Variants in OXNAD1 observed in about 807,000 individuals in gnomAD.
OXNAD1 encodes the protein oxidoreductase NAD binding domain containing 1.
A neutral mutation model predicts 32.9 loss-of-function variants in OXNAD1; 34 were observed. That is an observed-to-expected ratio of 1.03 (90% CI 0.79 to 1.38). The LOEUF (loss-of-function observed/expected upper bound fraction) is 1.38. Among genes scored for constraint, OXNAD1 ranks in the 40% most tolerant of loss-of-function variants. The probability of loss-of-function intolerance (pLI) is 0.00; values close to 1 mark genes in which losing one functional copy is unlikely to be tolerated. For missense variants in OXNAD1, 407 were observed against 379.4 expected (o/e 1.07, Z -0.60); for synonymous variants, 134 against 135.2 (o/e 0.99, Z 0.06).
rs937503623 is a variant in OXNAD1 at position 16,298,863 on chromosome 3, T to C, written c.433-2763T>C. ...TGTAATTGAAGGTAATGTCCTTTTA[T>C]TCACTTACATATTACAGTGTACAGT... is the stretch of plus-strand genomic sequence containing the variant. On this transcript the variant is annotated intron_variant, in intron 6 of 8. Coordinates refer to ENST00000285083, the MANE Select transcript of OXNAD1 (RefSeq NM_138381.5). The surrounding 1 kb of genome is among the most constrained non-coding windows in gnomAD (Gnocchi z 5.1). Among the ~76,000 whole-genome samples, 3 of 152,224 alleles carry C rather than the reference T, an allele frequency of 2.0e-5. No homozygotes were observed. The highest frequency in any genetic ancestry group is 2.0e-4 in the Admixed American group (3 of 15,276).
downstream of OXNAD1, among the ~76,000 whole-genome samples, chr3:16,350,813 G>T (rs1174172436): frequency 2.0e-5 from 3 of 152,184 alleles, no homozygotes; most frequent in Admixed American, 1.3e-4. Flanking sequence ...TGGCACTAAA[G>T]ACTATGATCT....
downstream of OXNAD1, among the ~76,000 whole-genome samples, chr3:16,341,009 TACCTC>T (rs1002199092): frequency 3.9e-5 from 6 of 152,130 alleles, no homozygotes; most frequent in African/African-American, 1.4e-4. This position sits in a 1 kb window ranked among gnomAD's most constrained non-coding sequence, Gnocchi z 4.7. Flanking sequence ...TCTAAACAAA[TACCTC>T]ACCAAAGAAG....
Position 16,286,449 on chromosome 3 carries a change from G to C in OXNAD1, c.290+1G>C. ...ACTTTTCCTTTAAAGCTGGCCAGTG[G>C]TAAGTGACTTTTCTGTGTTCCATGT... On this transcript the variant is annotated splice_donor_variant, in intron 5 of 8. Transcript: ENST00000285083. LOFTEE classifies it high-confidence loss of function. 2 of 1,612,736 alleles carry C rather than the reference G, an allele frequency of 1.2e-6. No homozygotes were observed. Among genetic ancestry groups the C allele is most frequent in the Non-Finnish European group, 1.7e-6 (2 of 1,178,842 alleles).
In OXNAD1 at chr3:16,271,092, T is replaced by C. The variant is rs1334659800; in HGVS notation, c.119+21T>C. ...ACCAGGTGAGTCATTAAGACTTCTG[T>C]GTCATTTGAAGTTAATTTTCAAAGA... is the stretch of plus-strand genomic sequence containing the variant. On this transcript the variant is annotated intron_variant, in intron 3 of 8. Transcript: ENST00000285083. The surrounding 1 kb of genome is among the most constrained non-coding windows in gnomAD (Gnocchi z 4.6). 6.2e-7 allele frequency: 1 copy of C among 1,611,278 alleles called. No individual in the cohort carries two copies. The highest frequency in any genetic ancestry group is 8.5e-7 in the Non-Finnish European group (1 of 1,178,722).
At chr3:16,291,238 C>T (rs2066410545) in intron 5 of OXNAD1, among the ~76,000 whole-genome samples, 1 of 151,984 alleles carries the variant, frequency 6.6e-6, no homozygotes, top group Non-Finnish European at 1.5e-5. Context: ...ACCCTTTTTT[C>T]ATACTTTTTA....
chr3:16,309,370 A>G (rs1265264465), downstream of OXNAD1, among the ~76,000 whole-genome samples: 3 of 152,226 alleles, frequency 2.0e-5, no homozygotes, highest in Non-Finnish European at 4.4e-5. Flanking sequence ...TAATCAGTTT[A>G]TATTCTAACA....
intron 9 of OXNAD1, among the ~76,000 whole-genome samples, chr3:16,332,398 T>C (rs1401604564): frequency 1.4e-5 from 2 of 142,172 alleles, no homozygotes; most frequent in Non-Finnish European, 3.0e-5. Context: ...AAAAGCCCTT[T>C]CTTATCTTTT....
rs114114116 is a variant in OXNAD1 at position 16,288,541 on chromosome 3, G to A, written c.290+2093G>A. On this transcript the variant is annotated intron_variant, in intron 5 of 8. Transcript: ENST00000285083. The surrounding 1 kb of genome is among the most constrained non-coding windows in gnomAD (Gnocchi z 5.1). ...TCCCCATGTAGACACCTTCAGCATA[G>A]ATCAGATATAGGCCTCAAGGGGCTC... Among the ~76,000 whole-genome samples the A allele has an allele frequency of 5.7e-3, 863 of 152,288 alleles. 7 individuals carry two copies. Among genetic ancestry groups the A allele is most frequent in the African/African-American group, 0.02 (815 of 41,570 alleles).
In OXNAD1 at chr3:16,271,148, T is replaced by A; in HGVS notation, c.119+77T>A. On this transcript the variant is annotated intron_variant, in intron 3 of 8. Transcript: ENST00000285083. The surrounding 1 kb of genome is among the most constrained non-coding windows in gnomAD (Gnocchi z 4.6). ...GACCTGCTGATGGTTGTGGGAGGCATATCAAACTCCCGGAAAGGTAACACC... is the reference window on the plus strand; with the variant it reads ...GACCTGCTGATGGTTGTGGGAGGCAAATCAAACTCCCGGAAAGGTAACACC... The A allele has an allele frequency of 6.6e-7, 1 of 1,520,276 alleles. No individual in the cohort carries two copies. The highest frequency in any genetic ancestry group is 9.0e-7 in the Non-Finnish European group (1 of 1,114,498). 94.2% of individuals were successfully genotyped at this position (1,520,276 alleles called of 1,614,324 possible). A position where few individuals can be genotyped will look rare whatever the true frequency, so the allele number is the denominator to read the frequency against.
rs1478361743 is a variant in OXNAD1 at position 16,284,788 on chromosome 3, G to C, written c.184-1554G>C. Among the ~76,000 whole-genome samples, 13 of 152,224 alleles carry C rather than the reference G, an allele frequency of 8.5e-5. No homozygotes were observed. Among genetic ancestry groups the C allele is most frequent in the Admixed American group, 8.5e-4 (13 of 15,270 alleles). On this transcript the variant is annotated intron_variant, in intron 4 of 8. Coordinates refer to ENST00000285083, the MANE Select transcript of OXNAD1 (RefSeq NM_138381.5). The surrounding 1 kb of genome is among the most constrained non-coding windows in gnomAD (Gnocchi z 4.1). ...GTAACTTGCCCAGAGTCACACAGCT[G>C]GTAAGCGGTAGAGCCAGGACTAAAT... is the stretch of plus-strand genomic sequence containing the variant.
chr3:16,281,065 A>G (rs1308034318), intron 4 of OXNAD1, among the ~76,000 whole-genome samples: 1 of 152,252 alleles, frequency 6.6e-6, no homozygotes, highest in Non-Finnish European at 1.5e-5. Context: ...AGAATAGCAT[A>G]TAACAGGGGC....
rs2067031620 is a variant in OXNAD1, at chr3:16,299,557, T to C, written c.433-2069T>C. ...CTTTACCAAAAAAGACATGTTTTTG[T>C]GAATTCAAATAATTTTCATTTTTCT... is the stretch of plus-strand genomic sequence containing the variant. On this transcript the variant is annotated intron_variant, in intron 6 of 8. Coordinates refer to ENST00000285083, the MANE Select transcript of OXNAD1 (RefSeq NM_138381.5). This position sits in a 1 kb window ranked among gnomAD's most constrained non-coding sequence, Gnocchi z 4.4. Among the ~76,000 whole-genome samples the C allele has an allele frequency of 6.6e-6, 1 of 152,184 alleles. No homozygotes were observed. Among genetic ancestry groups the C allele is most frequent in the South Asian group, 2.1e-4 (1 of 4,834 alleles).
In OXNAD1 at chr3:16,316,633, T is replaced by C; in HGVS notation, c.*30+13041T>C. ...AACACTGGGTCATTAATGACACCTT[T>C]CCAGTGGATGTGCAAAAACCAACAC... On this transcript the variant is annotated intron_variant, in intron 9 of 9. Transcript: ENST00000435829. The surrounding 1 kb of genome is among the most constrained non-coding windows in gnomAD (Gnocchi z 4.5). 1.5e-6 allele frequency: 1 copy of C among 677,664 alleles called. No homozygotes were observed. Among genetic ancestry groups the C allele is most frequent in the South Asian group, 1.7e-5 (1 of 57,778 alleles). 42.0% of individuals were successfully genotyped at this position (677,664 alleles called of 1,614,324 possible).
At chr3:16,278,414 A>T (rs1230427579) in intron 4 of OXNAD1, among the ~76,000 whole-genome samples, 2 of 152,170 alleles carry the variant, frequency 1.3e-5, no homozygotes, top group Non-Finnish European at 2.9e-5. Context: ...TCTGGGAGGG[A>T]CATGTAGGGA....
rs781342346 is a variant in OXNAD1 at position 16,302,779 on chromosome 3, C to G, written c.784+31C>G. On this transcript the variant is annotated intron_variant, in intron 8 of 8. Coordinates refer to ENST00000285083, the MANE Select transcript of OXNAD1 (RefSeq NM_138381.5). The surrounding 1 kb of genome is among the most constrained non-coding windows in gnomAD (Gnocchi z 4.2). ...TCCCCTAAAGATATTTTGACTATCT[C>G]CATGCAGTTATTTGATGGACACACC... The G allele has an allele frequency of 6.6e-7, 1 of 1,515,044 alleles. No homozygotes were observed. The highest frequency in any genetic ancestry group is 1.7e-5 in the Admixed American group (1 of 58,520). The allele number at this position is 1,515,044 out of a possible 1,614,324, so 93.9% of individuals were successfully genotyped here.
chr3:16,341,176 G>C (rs561119566), downstream of OXNAD1, among the ~76,000 whole-genome samples: 88 of 152,322 alleles, frequency 5.8e-4, no homozygotes, highest in Non-Finnish European at 1.2e-3. This position sits in a 1 kb window ranked among gnomAD's most constrained non-coding sequence, Gnocchi z 4.7. Flanking sequence ...TGAGGATGTG[G>C]AACAACAGCA....
Position 16,288,326 on chromosome 3 carries a change from T to C in OXNAD1, c.290+1878T>C, listed in dbSNP as rs1474032464. Among the ~76,000 whole-genome samples the C allele has an allele frequency of 1.3e-5, 2 of 152,144 alleles. No homozygotes were observed. Among genetic ancestry groups the C allele is most frequent in the South Asian group, 2.1e-4 (1 of 4,830 alleles). Reference sequence around the variant, plus strand: ...TAGGATTATCAGACTGGAGAGCTGCTAGAAATCAAGGAGAGGGTTGCTGTT... The same window carrying C: ...TAGGATTATCAGACTGGAGAGCTGCCAGAAATCAAGGAGAGGGTTGCTGTT... On this transcript the variant is annotated intron_variant, in intron 5 of 8. Transcript: ENST00000285083. This position sits in a 1 kb window ranked among gnomAD's most constrained non-coding sequence, Gnocchi z 5.1.
chr3:16,334,074 A>T lies in OXNAD1; in HGVS notation c.*31-3038A>T, dbSNP rs1265192621. 6.6e-6 allele frequency among the ~76,000 whole-genome samples: 1 copy of T among 152,216 alleles called. No homozygotes were observed. The highest frequency in any genetic ancestry group is 6.5e-5 in the Admixed American group (1 of 15,286). Reference sequence around the variant, plus strand: ...CAGCTACTTGGGAGGCTGAGGCAGGAGAATGGCTTGAACCTAGGAGGCAGA... The same window carrying T: ...CAGCTACTTGGGAGGCTGAGGCAGGTGAATGGCTTGAACCTAGGAGGCAGA... On this transcript the variant is annotated intron_variant, in intron 9 of 9. Coordinates refer to the OXNAD1 transcript ENST00000435829. The surrounding 1 kb of genome is among the most constrained non-coding windows in gnomAD (Gnocchi z 4.3).
At chr3:16,308,626 TTTC>T (rs1202165918), downstream of OXNAD1, among the ~76,000 whole-genome samples, 39 of 151,810 alleles carry the variant, frequency 2.6e-4, no homozygotes, top group African/African-American at 8.8e-4. The surrounding 1 kb of genome is among the most constrained non-coding windows in gnomAD (Gnocchi z 4.4). Context: ...AATATTACTC[TTTC>T]TTAACATACA....
Sources: allele counts gnomAD v4.1 joint callset (sites outside exome capture counted in the v4.1 genomes callset), GRCh38; gene constraint gnomAD v4.1.1; non-coding constraint Gnocchi (gnomAD v3.1); transcripts MANE v1.5; gene names NCBI Gene and HGNC (gene_info 2026-07-23, HGNC 2026-07-21).